Variants in MEIS2 observed in about 807,000 individuals in gnomAD.
The protein encoded by MEIS2 is Meis homeobox 2.
A neutral mutation model predicts 58.6 loss-of-function variants in MEIS2; 9 were observed. The observed-to-expected ratio is 0.15, with a 90% CI of 0.09 to 0.27. The LOEUF is 0.27. MEIS2 is among the 10% of genes least tolerant of loss of function. The probability of loss-of-function intolerance (pLI) is 1.00; values close to 1 mark genes in which losing one functional copy is unlikely to be tolerated. For synonymous variants in MEIS2, 221 were observed against 228.4 expected (o/e 0.97, Z 0.29); for missense variants, 427 against 635.0 (o/e 0.67, Z 3.52).
chr15:37,044,648 C>T (rs1161458193), intron 7 of MEIS2, among the ~76,000 whole-genome samples: 1 of 152,118 alleles, frequency 6.6e-6, no homozygotes, highest in Non-Finnish European at 1.5e-5. Flanking sequence ...TCCTATTGAA[C>T]CTTTAAAACT....
At position 36,955,389 on chromosome 15, in the gene MEIS2, G is replaced by C. The variant is rs147066661; in HGVS notation, c.901-4989C>G. 6.6e-4 allele frequency among the ~76,000 whole-genome samples: 100 copies of C among 152,056 alleles called. 3 individuals carry two copies. In the East Asian group the frequency reaches 0.018, roughly 28 times the overall value. On this transcript the variant is annotated intron_variant, in intron 8 of 11. Coordinates refer to ENST00000561208, the MANE Select transcript of MEIS2 (RefSeq NM_170675.5). The stretch of plus-strand genomic sequence containing the variant: ...TATAACTTCCTCAAGGTAAAGCCTT[G>C]GGATTTTTAACTTTTGTATTTCTCC...
At chr15:37,069,682 G>A (rs1400981979) in intron 7 of MEIS2, among the ~76,000 whole-genome samples, 2 of 152,090 alleles carry the variant, frequency 1.3e-5, no homozygotes, top group African/African-American at 2.4e-5. Context: ...TGAATGCCCC[G>A]ATCATGACAA....
intron 9 of MEIS2, among the ~76,000 whole-genome samples, chr15:36,927,389 G>A (rs2057791385): frequency 6.6e-6 from 1 of 152,068 alleles, no homozygotes; most frequent in Non-Finnish European, 1.5e-5. Context: ...GGCAAGAATG[G>A]GCAGAAGGAA....
chr15:37,035,106 G>A (rs2141728999), intron 8 of MEIS2, among the ~76,000 whole-genome samples: 1 of 152,276 alleles, frequency 6.6e-6, no homozygotes, highest in South Asian at 2.1e-4. Flanking sequence ...GACAGAGGGA[G>A]GGAACCAAAC....
intron 1 of MEIS2, chr15:37,099,091 G>T: frequency 1.0e-6 from 1 of 997,676 alleles, no homozygotes; most frequent in Admixed American, 6.1e-5. Flanking sequence ...CAGCGGCGCA[G>T]CAGCGGCAGC....
At chr15:36,991,433 T>G (rs1340608596) in intron 8 of MEIS2, among the ~76,000 whole-genome samples, 1 of 147,694 alleles carries the variant, frequency 6.8e-6, no homozygotes, top group Admixed American at 6.8e-5. Flanking sequence ...GTTCCCATTT[T>G]CACTAATTCT....
intron 9 of MEIS2, among the ~76,000 whole-genome samples, chr15:36,949,139 G>T (rs1208000020): frequency 6.6e-6 from 1 of 151,716 alleles, no homozygotes. Flanking sequence ...ACACTATAGG[G>T]TGCATTAAAG....
At chr15:36,995,956 GATATATATATATATATATAT>G (rs539738718) in intron 8 of MEIS2, among the ~76,000 whole-genome samples, 35,243 of 112,750 alleles carry the variant, frequency 0.31, 6,067 homozygotes, top group East Asian at 0.67. Context: ...TCTAGTCTGA[GATATATATATATATATATAT>G]ATATATATAT....
chr15:37,026,122 C>T (rs561755008), intron 8 of MEIS2, among the ~76,000 whole-genome samples: 1 of 152,152 alleles, frequency 6.6e-6, no homozygotes, highest in South Asian at 2.1e-4. Context: ...TATCTTGAAA[C>T]ACTGAAATAG....
chr15:37,099,154 G>C (rs988721317), intron 1 of MEIS2: 2 of 1,195,878 alleles, frequency 1.7e-6, no homozygotes, highest in African/African-American at 3.2e-5. Flanking sequence ...CGAGGCGAAA[G>C]CGTGTAACGA....
intron 8 of MEIS2, among the ~76,000 whole-genome samples, chr15:37,002,460 C>T (rs1392436823): frequency 6.6e-6 from 1 of 152,124 alleles, no homozygotes; most frequent in African/African-American, 2.4e-5. Context: ...ATCTCTCCTA[C>T]ATGTGTTTAA....
intron 9 of MEIS2, among the ~76,000 whole-genome samples, chr15:36,925,759 T>C (rs1432609992): frequency 6.6e-6 from 1 of 152,232 alleles, no homozygotes. Context: ...TTTCCTTTTT[T>C]ATAGCCGTGG....
At chr15:36,895,317 A>C in intron 10 of MEIS2, 56 bp from the exon 11 acceptor site, 2 of 1,464,888 alleles carry the variant, frequency 1.4e-6, no homozygotes, top group Non-Finnish European at 1.9e-6. Context: ...ATACCAAACA[A>C]TCAGCAATTG....
chr15:36,996,001 A>ATGTGTGTGTGTGTGTGTGTGTGTG (rs1292078980), intron 8 of MEIS2, among the ~76,000 whole-genome samples: 3 of 102,880 alleles, frequency 2.9e-5, no homozygotes, highest in African/African-American at 9.8e-5. Flanking sequence ...ATATATATAT[A>ATGTGTGTGTGTGTGTGTGTGTGTG]TGTATATATA....
chr15:37,082,400 G>A (rs550290507), intron 7 of MEIS2, among the ~76,000 whole-genome samples: 21 of 151,972 alleles, frequency 1.4e-4, no homozygotes, highest in African/African-American at 3.9e-4. Flanking sequence ...TTGTGTCGCC[G>A]CAATTTGGGG....
At chr15:36,950,522 C>A (rs988835956) in intron 8 of MEIS2, 122 bp from the exon 9 acceptor site, 1 of 899,156 alleles carries the variant, frequency 1.1e-6, no homozygotes, top group Non-Finnish European at 1.7e-6. Flanking sequence ...CTACTTGCAT[C>A]TTTTTTATCA....
intron 9 of MEIS2, among the ~76,000 whole-genome samples, chr15:36,914,808 T>C (rs548398200): frequency 2.0e-5 from 3 of 152,220 alleles, no homozygotes; most frequent in African/African-American, 7.2e-5. Flanking sequence ...CAACACACTC[T>C]TTCGCAGAAG....
chr15:37,040,821 C>A (rs1311126697), intron 7 of MEIS2, among the ~76,000 whole-genome samples: 1 of 152,148 alleles, frequency 6.6e-6, no homozygotes, highest in Non-Finnish European at 1.5e-5. Flanking sequence ...AAACACAGGT[C>A]CCCAGGCCTC....
intron 8 of MEIS2, among the ~76,000 whole-genome samples, chr15:36,991,771 CTTTTTTTTTTTCTTTTTTTT>C (rs1420773098): frequency 9.2e-6 from 1 of 108,628 alleles, no homozygotes; most frequent in Non-Finnish European, 1.8e-5. Flanking sequence ...TGTTAATTTT[CTTTTTTTTTTTCTTTTTTTT>C]TTTTTTTTTT....
Sources: gnomAD v4.1 joint callset for allele counts (sites outside exome capture counted in the v4.1 genomes callset) on GRCh38, gnomAD v4.1.1 for gene constraint, MANE v1.5 for transcripts, NCBI Gene and HGNC (gene_info 2026-07-23, HGNC 2026-07-21) for gene names.